The following TLN2 variants were observed in gnomAD, a reference collection of about 807,000 sequenced individuals.
TLN2 encodes the protein talin 2.
Under a neutral mutation model 294.7 loss-of-function variants are expected in TLN2, and 118 were observed. The observed-to-expected ratio is 0.40, with a 90% CI of 0.34 to 0.47. The LOEUF (loss-of-function observed/expected upper bound fraction) is 0.47, where lower values mean the gene tolerates loss of function less well. Among genes scored for constraint, TLN2 ranks in the 20% least tolerant of loss-of-function variants. The pLI, the probability that TLN2 is intolerant of heterozygous loss-of-function variation, is 0.84. For missense variants in TLN2, 3,083 were observed against 3,282.2 expected (o/e 0.94, Z 1.48); for synonymous variants, 1,431 against 1,304.5 (o/e 1.10, Z -2.09).
In TLN2 at chr15:62,708,756, G is replaced by A. The variant is rs779799685; in HGVS notation, c.2427G>A (p.Met809Ile). 2.5e-6 allele frequency: 4 copies of A among 1,607,922 alleles called. No homozygotes were observed. The South Asian group carries it at 3.3e-5, about 13-fold the overall frequency. The change falls in exon 21 of 59, where the codon ATG becomes ATA. Residue 809 changes from methionine to isoleucine, a missense_variant. Coordinates refer to ENST00000636159, the MANE Select transcript of TLN2 (RefSeq NM_015059.3). ...ACGACCAGGCTACTGACACCATCAT[G>A]TGTGTCACCGAGAGCATCTTCAGCT... ...GRYDQATDTI[M>I]CVTESIFSSM...
intron 1 of TLN2, among the ~76,000 whole-genome samples, chr15:62,566,538 A>T (rs865874068): frequency 6.6e-6 from 1 of 151,934 alleles, no homozygotes; most frequent in Non-Finnish European, 1.5e-5. Flanking sequence ...GACCAGGCTT[A>T]GGAGGGAAGT....
intron 1 of TLN2, among the ~76,000 whole-genome samples, chr15:62,520,480 C>T (rs993138811): frequency 2.0e-5 from 3 of 152,212 alleles, no homozygotes; most frequent in Admixed American, 6.5e-5. Flanking sequence ...CAGCCTTTCT[C>T]TAAGGGGTTA....
Position 62,783,805 on chromosome 15 carries a change from G to T in TLN2, c.5651G>T (p.Gly1884Val). ...TCGGTTACTAACCCGGAGGAGTTGG[G>T]AGGACTGGCTTCACAAATGACCAGT... Reference protein sequence around the residue: ...TKSVTNPEELGGLASQMTSDY... With the variant: ...TKSVTNPEELVGLASQMTSDY... The change falls in exon 45 of 59, where the codon GGA (glycine) becomes GTA (valine). Residue 1884 changes from glycine (G) to valine (V), a missense_variant. Coordinates refer to ENST00000636159, the MANE Select transcript of TLN2 (RefSeq NM_015059.3). 1.2e-6 allele frequency: 2 copies of T among 1,610,612 alleles called. No individual in the cohort carries two copies. The highest frequency in any genetic ancestry group is 1.7e-6 in the Non-Finnish European group (2 of 1,177,074).
At chr15:62,690,749 G>C (rs1455639416) in intron 12 of TLN2, among the ~76,000 whole-genome samples, 1 of 150,628 alleles carries the variant, frequency 6.6e-6, no homozygotes, top group Non-Finnish European at 1.5e-5. Flanking sequence ...ACCAGACTCC[G>C]TCTGCAATCC....
chr15:62,776,634 A>G (rs2063737202), intron 42 of TLN2, 130 bp from the exon 43 acceptor site: 2 of 904,784 alleles, frequency 2.2e-6, no homozygotes, highest in Non-Finnish European at 2.9e-6. Context: ...AAAGAAAGGG[A>G]AGAAATAGAA....
At chr15:62,604,749 C>T (rs1201774222) in intron 2 of TLN2, among the ~76,000 whole-genome samples, 2 of 149,748 alleles carry the variant, frequency 1.3e-5, no homozygotes, top group African/African-American at 4.9e-5. Flanking sequence ...AAGCATGGAG[C>T]TCATATTATG....
chr15:62,820,418 T>G, intron 53 of TLN2, 68 bp from the exon 54 acceptor site: 1 of 1,552,626 alleles, frequency 6.4e-7, no homozygotes. Flanking sequence ...CCAGATAGTG[T>G]TTTTAATTAA....
At chr15:62,791,359 AAAG>A (rs907771068) in intron 45 of TLN2, among the ~76,000 whole-genome samples, 7 of 152,156 alleles carry the variant, frequency 4.6e-5, no homozygotes, top group African/African-American at 9.7e-5. Flanking sequence ...ATCTCAAAAA[AAAG>A]AAGAAAGTGT....
At chr15:62,786,805 T>G (rs574464165) in intron 45 of TLN2, among the ~76,000 whole-genome samples, 1 of 152,346 alleles carries the variant, frequency 6.6e-6, no homozygotes, top group East Asian at 1.9e-4. Context: ...GAACCACTCT[T>G]TTATTAGGTT....
At chr15:62,716,991 A>G (rs533358609) in intron 23 of TLN2, among the ~76,000 whole-genome samples, 8 of 152,158 alleles carry the variant, frequency 5.3e-5, no homozygotes, top group Middle Eastern at 3.4e-3. Flanking sequence ...GGAGACCCTT[A>G]CACTGAAATT....
intron 21 of TLN2, among the ~76,000 whole-genome samples, chr15:62,709,799 A>G (rs1031454971): frequency 7.3e-5 from 11 of 151,512 alleles, no homozygotes; most frequent in Admixed American, 5.9e-4. Flanking sequence ...CAGTGGCACA[A>G]TCTTGGCTCA....
intron 1 of TLN2, among the ~76,000 whole-genome samples, chr15:62,480,275 G>A (rs566140965): frequency 9.2e-5 from 14 of 152,246 alleles, no homozygotes; most frequent in African/African-American, 3.1e-4. Context: ...GTGCAGCGGC[G>A]CGATCTCAGC....
intron 1 of TLN2, among the ~76,000 whole-genome samples, chr15:62,538,143 C>T (rs1045397044): frequency 1.3e-5 from 2 of 152,104 alleles, no homozygotes; most frequent in African/African-American, 2.4e-5. Context: ...ATTGTTTGAA[C>T]CCAGGAGGCA....
At chr15:62,785,591 G>A (rs938980) in intron 45 of TLN2, among the ~76,000 whole-genome samples, 147,882 of 150,548 alleles carry the variant, frequency 0.98, 72,684 homozygotes, top group Middle Eastern at 1. Context: ...GGTGGAGGTT[G>A]CAGTGAGCCA....
chr15:62,456,401 C>T (rs2036485081), intron 1 of TLN2, among the ~76,000 whole-genome samples: 1 of 152,198 alleles, frequency 6.6e-6, no homozygotes, highest in Non-Finnish European at 1.5e-5. Flanking sequence ...AGTGAGTCCT[C>T]CCCACCGTTT....
intron 32 of TLN2, 42 bp downstream of exon 32, chr15:62,740,811 G>A (rs990232795): frequency 6.2e-7 from 1 of 1,610,126 alleles, no homozygotes; most frequent in African/African-American, 1.3e-5. Flanking sequence ...TGGTTAGACA[G>A]TGTCATTGCA....
chr15:62,696,740 T>C (rs978612273), intron 14 of TLN2, among the ~76,000 whole-genome samples: 1 of 152,142 alleles, frequency 6.6e-6, no homozygotes, highest in Non-Finnish European at 1.5e-5. Context: ...TGCAATTTTT[T>C]CCATTAGATA....
chr15:62,426,477 A>G (rs1042288507), intron 1 of TLN2, among the ~76,000 whole-genome samples: 2 of 152,180 alleles, frequency 1.3e-5, no homozygotes, highest in East Asian at 3.9e-4. Context: ...TTTAACTGGC[A>G]GGGATTGGGA....
At chr15:62,536,771 G>T (rs2041376989) in intron 1 of TLN2, among the ~76,000 whole-genome samples, 1 of 152,158 alleles carries the variant, frequency 6.6e-6, no homozygotes, top group African/African-American at 2.4e-5. Context: ...AATTTTTAAA[G>T]AACTGTTTTA....
Sources: gnomAD v4.1 joint callset for allele counts (sites outside exome capture counted in the v4.1 genomes callset) on GRCh38, gnomAD v4.1.1 for gene constraint, MANE v1.5 for transcripts, NCBI Gene and HGNC (gene_info 2026-07-23, HGNC 2026-07-21) for gene names.